Variants in LRFN2 observed in about 807,000 individuals in gnomAD.
LRFN2 encodes leucine-rich repeat and fibronectin type-III domain-containing protein 2.
In LRFN2, 18 loss-of-function variants were observed where a neutral mutation model predicts 37.3. The ratio of observed to expected loss-of-function variants is 0.48; its 90% CI spans 0.33 to 0.72. The LOEUF is 0.72. Ranked by LOEUF, LRFN2 falls within the 30% of genes least tolerant of loss-of-function variation. The probability of loss-of-function intolerance (pLI) is 0.02; values close to 1 mark genes in which losing one functional copy is unlikely to be tolerated. For missense variants in LRFN2, 1,006 were observed against 1,060.7 expected (o/e 0.95, Z 0.72); for synonymous variants, 556 against 466.6 (o/e 1.19, Z -2.47).
intron 2 of LRFN2, among the ~76,000 whole-genome samples, chr6:40,430,130 T>C (rs1311243170): frequency 6.6e-6 from 1 of 152,234 alleles, no homozygotes; most frequent in African/African-American, 2.4e-5. Context: ...TTCCTATATA[T>C]GTGCACATAT....
At chr6:40,427,993 C>T (rs946538842) in intron 2 of LRFN2, among the ~76,000 whole-genome samples, 16 of 152,232 alleles carry the variant, frequency 1.1e-4, no homozygotes, top group Non-Finnish European at 2.2e-4. Flanking sequence ...TACAGGCTGC[C>T]TGCATTCAGA....
intron 1 of LRFN2, among the ~76,000 whole-genome samples, chr6:40,457,637 TAA>T (rs70984171): frequency 0.095 from 9,599 of 101,240 alleles, 420 homozygotes; most frequent in Admixed American, 0.16. Context: ...AGACCCTGTT[TAA>T]AAAAAAAAAA....
intron 1 of LRFN2, among the ~76,000 whole-genome samples, chr6:40,519,527 G>T (rs537371297): frequency 9.2e-5 from 14 of 152,314 alleles, no homozygotes; most frequent in African/African-American, 1.7e-4. Context: ...GACCTCATAG[G>T]GTCCTCTTGT....
intron 2 of LRFN2, among the ~76,000 whole-genome samples, chr6:40,422,038 T>C (rs1763239423): frequency 6.6e-6 from 1 of 152,180 alleles, no homozygotes; most frequent in Non-Finnish European, 1.5e-5. Context: ...CCTGATTCCA[T>C]CTTTCTTATA....
chr6:40,392,390 C>T lies in LRFN2; in HGVS notation c.1923G>A (p.Arg641=). 1 of 1,584,072 alleles carries T rather than the reference C, an allele frequency of 6.3e-7. No individual in the cohort carries two copies. The highest frequency in any genetic ancestry group is 8.6e-7 in the Non-Finnish European group (1 of 1,165,478). ...EAAGLGRAPW[R]IPPSAPRPKP... ...TGGGGCGCGGGGCGGAGGGTGGGAT[C>T]CTCCAGGGGGCCCGTCCCAGCCCCG... The change falls in exon 3 of 3, where the codon AGG becomes AGA. Residue 641 remains arginine (R), a synonymous_variant. Transcript: ENST00000338305. This position sits in a 1 kb window ranked among gnomAD's most constrained non-coding sequence, Gnocchi z 4.7.
intron 2 of LRFN2, among the ~76,000 whole-genome samples, chr6:40,399,411 C>CTTTCTTTTTCT (rs1448856882): frequency 2.7e-5 from 4 of 146,128 alleles, no homozygotes; most frequent in Admixed American, 7.0e-5. Flanking sequence ...ACTGAATTCT[C>CTTTCTTTTTCT]TTTCTTTTTC....
chr6:40,527,012 A>C (rs183667193), intron 1 of LRFN2, among the ~76,000 whole-genome samples: 1 of 152,206 alleles, frequency 6.6e-6, no homozygotes, highest in African/African-American at 2.4e-5. Flanking sequence ...TGGATTTGTC[A>C]TCAGGATCTC....
At chr6:40,410,383 A>G (rs1762941208) in intron 2 of LRFN2, among the ~76,000 whole-genome samples, 1 of 152,166 alleles carries the variant, frequency 6.6e-6, no homozygotes, top group South Asian at 2.1e-4. Context: ...TTGTGGAAGT[A>G]GGGGCAGCAG....
At chr6:40,464,802 G>A (rs1449779845) in intron 1 of LRFN2, among the ~76,000 whole-genome samples, 1 of 152,096 alleles carries the variant, frequency 6.6e-6, no homozygotes, top group African/African-American at 2.4e-5. Flanking sequence ...AATCTCGGAT[G>A]GGAGCTGGTG....
intron 1 of LRFN2, among the ~76,000 whole-genome samples, chr6:40,583,190 G>A (rs74526283): frequency 3.7e-5 from 2 of 53,772 alleles, no homozygotes; most frequent in South Asian, 5.2e-4. Flanking sequence ...TGTATATAGT[G>A]TATATATAGA....
intron 2 of LRFN2, among the ~76,000 whole-genome samples, chr6:40,396,828 G>A (rs1762626979): frequency 6.6e-6 from 1 of 152,034 alleles, no homozygotes; most frequent in South Asian, 2.1e-4. Flanking sequence ...AACAGCCCTG[G>A]CTGGCAAGGT....
intron 1 of LRFN2, among the ~76,000 whole-genome samples, chr6:40,559,780 T>G (rs1251326728): frequency 1.3e-5 from 2 of 152,132 alleles, no homozygotes; most frequent in African/African-American, 4.8e-5. Flanking sequence ...GAAGGGCATT[T>G]CATCCGCCCC....
chr6:40,523,410 T>C (rs375994944), intron 1 of LRFN2, among the ~76,000 whole-genome samples: 1 of 152,048 alleles, frequency 6.6e-6, no homozygotes, highest in Non-Finnish European at 1.5e-5. Flanking sequence ...TCAGCCCCAT[T>C]GATCAAAGTG....
At position 40,514,442 on chromosome 6, in the gene LRFN2, G is replaced by A. The variant is rs558917804; in HGVS notation, c.-19+72499C>T. Among the ~76,000 whole-genome samples the A allele has an allele frequency of 7.2e-5, 11 of 152,258 alleles. No individual in the cohort carries two copies. In the South Asian group the frequency reaches 2.1e-3, roughly 29 times the overall value. The stretch of plus-strand genomic sequence containing the variant: ...CAATTCTCCTGCCTCAGCCTCCTGA[G>A]TAGCTGGGATTACATGCGTGCACCA... On this transcript the variant is annotated intron_variant, in intron 1 of 2. Coordinates refer to ENST00000338305, the MANE Select transcript of LRFN2 (RefSeq NM_020737.3).
intron 1 of LRFN2, among the ~76,000 whole-genome samples, chr6:40,475,942 G>C (rs550259049): frequency 4.0e-4 from 61 of 152,202 alleles, no homozygotes; most frequent in Non-Finnish European, 7.8e-4. Context: ...TTTTGCCCTA[G>C]AGTGGTGGTG....
In LRFN2 at chr6:40,431,707, T is replaced by C. The variant is rs7775772; in HGVS notation, c.1400+7A>G. On this transcript the variant is annotated splice_region_variant and intron_variant, in intron 2 of 2. Coordinates refer to ENST00000338305, the MANE Select transcript of LRFN2 (RefSeq NM_020737.3). ...CCTCCCTGCCTTTGCCACAGCCGCT[T>C]GCTCACCTGTAAATCAGTACCTCAT... The C allele has an allele frequency of 0.57, 863,285 of 1,502,908 alleles. 252,173 individuals are homozygous for C. Among genetic ancestry groups the C allele is most frequent in the African/African-American group, 0.72 (51,784 of 71,476 alleles). 93.1% of individuals were successfully genotyped at this position (1,502,908 alleles called of 1,614,324 possible). A position where few individuals can be genotyped will look rare whatever the true frequency, so the allele number is the denominator to read the frequency against.
chr6:40,540,517 A>T (rs1235125012), intron 1 of LRFN2, among the ~76,000 whole-genome samples: 1 of 152,036 alleles, frequency 6.6e-6, no homozygotes, highest in Non-Finnish European at 1.5e-5. Flanking sequence ...GGAGGGGAGG[A>T]GGAGACAGTC....
chr6:40,581,684 T>A (rs928798485), intron 1 of LRFN2, among the ~76,000 whole-genome samples: 1 of 152,244 alleles, frequency 6.6e-6, no homozygotes, highest in East Asian at 1.9e-4. Flanking sequence ...ACAGTCATTG[T>A]TAGGCATTTT....
At chr6:40,438,145 T>C (rs1349117150) in intron 1 of LRFN2, among the ~76,000 whole-genome samples, 1 of 152,032 alleles carries the variant, frequency 6.6e-6, no homozygotes, top group Non-Finnish European at 1.5e-5. Context: ...TGCACTGGGG[T>C]AAGGCAGGGT....
Sources: allele counts gnomAD v4.1 joint callset (sites outside exome capture counted in the v4.1 genomes callset), GRCh38; gene constraint gnomAD v4.1.1; non-coding constraint Gnocchi (gnomAD v3.1); transcripts MANE v1.5; gene names NCBI Gene and HGNC (gene_info 2026-07-23, HGNC 2026-07-21).